C9orf85: variants seen among roughly 807,000 people sequenced by gnomAD.
The protein encoded by C9orf85 is uncharacterized protein C9orf85.
In C9orf85, 16 loss-of-function variants were observed where a neutral mutation model predicts 14.9. The observed-to-expected ratio is 1.08, with a 90% CI of 0.73 to 1.63. The LOEUF (loss-of-function observed/expected upper bound fraction) is 1.63. C9orf85 is among the 40% of genes most tolerant of loss of function. The probability of loss-of-function intolerance (pLI) is 0.00; values close to 1 mark genes in which losing one functional copy is unlikely to be tolerated. For synonymous variants in C9orf85, 45 were observed against 56.8 expected (o/e 0.79, Z 0.93); for missense variants, 172 against 186.1 (o/e 0.92, Z 0.44).
At chr9:71,922,646 C>T (rs1216104509) in intron 1 of C9orf85, among the ~76,000 whole-genome samples, 2 of 152,210 alleles carry the variant, frequency 1.3e-5, no homozygotes, top group African/African-American at 4.8e-5. Context: ...TACTAAACTC[C>T]TAGTTACACC....
intron 1 of C9orf85, among the ~76,000 whole-genome samples, chr9:71,943,211 G>C (rs1235716338): frequency 1.5e-4 from 22 of 151,714 alleles, no homozygotes; most frequent in Non-Finnish European, 7.4e-5. Context: ...CATTGGAATT[G>C]GCATTGGCAT....
At chr9:71,962,782 G>A (rs1368653446) in intron 2 of C9orf85, among the ~76,000 whole-genome samples, 10 of 152,132 alleles carry the variant, frequency 6.6e-5, no homozygotes, top group African/African-American at 2.2e-4. Context: ...CTGGCTGGGC[G>A]CAGTGGCTCA....
In C9orf85 at chr9:71,911,847, G is replaced by C. The variant is rs202079542; in HGVS notation, c.102+11G>C. 3.2e-5 allele frequency: 52 copies of C among 1,610,998 alleles called. No individual in the cohort carries two copies. In the African/African-American group the frequency reaches 6.7e-4, roughly 21 times the overall value. On this transcript the variant is annotated intron_variant, in intron 1 of 3. Coordinates refer to ENST00000334731, the MANE Select transcript of C9orf85 (RefSeq NM_182505.5). ...AGTGTGCAGACCAAGGTAGGAACCT[G>C]CCTGTTGCACCGTCTTTGACTCCAG...
At chr9:71,917,510 C>T (rs926366993) in intron 1 of C9orf85, among the ~76,000 whole-genome samples, 2 of 152,230 alleles carry the variant, frequency 1.3e-5, no homozygotes, top group Non-Finnish European at 2.9e-5. Context: ...TGTTTACACA[C>T]ACCTTTATTC....
In C9orf85 at chr9:71,945,872, C is replaced by A. The variant is rs545480439; in HGVS notation, c.103-1134C>A. Among the ~76,000 whole-genome samples, 87 of 152,034 alleles carry A rather than the reference C, an allele frequency of 5.7e-4. 1 individual carries two copies. The highest frequency in any genetic ancestry group is 1.2e-3 in the Non-Finnish European group (80 of 68,000). On this transcript the variant is annotated intron_variant, in intron 1 of 3. Coordinates refer to ENST00000334731, the MANE Select transcript of C9orf85 (RefSeq NM_182505.5). ...TCATTATTCCAACAATAGGCAAAGA[C>A]CAAGCTTTCACAGCCAAAGCAAACT...
At chr9:71,962,370 C>A (rs1209611657) in intron 2 of C9orf85, among the ~76,000 whole-genome samples, 2 of 152,116 alleles carry the variant, frequency 1.3e-5, no homozygotes, top group Non-Finnish European at 2.9e-5. Context: ...ATGATGTTAT[C>A]CCATAGTAAA....
At chr9:71,917,312 C>T (rs1827674507) in intron 1 of C9orf85, among the ~76,000 whole-genome samples, 3 of 152,254 alleles carry the variant, frequency 2.0e-5, no homozygotes, top group South Asian at 4.1e-4. Context: ...TATCACATGC[C>T]ATACATGTGG....
chr9:71,950,675 T>G (rs542071449), intron 2 of C9orf85, among the ~76,000 whole-genome samples: 2 of 152,340 alleles, frequency 1.3e-5, no homozygotes. Context: ...CAGCCTTGGA[T>G]ATATCTTTTG....
chr9:71,983,753 A>C (rs1158739489), downstream of C9orf85: 1 of 152,182 alleles, frequency 6.6e-6, no homozygotes, highest in African/African-American at 2.4e-5. Context: ...ACTTCTAAGA[A>C]TTTTTGTTTT....
chr9:71,979,028 C>T (rs779389979), intron 3 of C9orf85, among the ~76,000 whole-genome samples: 1 of 149,906 alleles, frequency 6.7e-6, no homozygotes, highest in Non-Finnish European at 1.5e-5. Context: ...AGTGAGACTC[C>T]GTCTCAAGAA....
chr9:71,914,315 A>G (rs1827590026), intron 1 of C9orf85, among the ~76,000 whole-genome samples: 1 of 151,828 alleles, frequency 6.6e-6, no homozygotes, highest in Admixed American at 6.6e-5. Context: ...AAACATTATG[A>G]GATTTTTTTG....
intron 1 of C9orf85, among the ~76,000 whole-genome samples, chr9:71,937,411 GA>G: frequency 6.6e-6 from 1 of 152,302 alleles, no homozygotes; most frequent in South Asian, 2.1e-4. Context: ...CCCACTTATT[GA>G]AAGAATGGTT....
At chr9:71,970,419 TATA>T (rs770188708) in intron 2 of C9orf85, among the ~76,000 whole-genome samples, 5 of 152,210 alleles carry the variant, frequency 3.3e-5, no homozygotes, top group Non-Finnish European at 7.3e-5. Flanking sequence ...TCACGATCCT[TATA>T]ATAATATACT....
At chr9:71,918,777 C>T (rs1827719506) in intron 1 of C9orf85, among the ~76,000 whole-genome samples, 1 of 152,088 alleles carries the variant, frequency 6.6e-6, no homozygotes, top group African/African-American at 2.4e-5. Context: ...ATGGGACCGT[C>T]TAGTTGCAGG....
chr9:71,915,579 T>C (rs1466220040), intron 1 of C9orf85, among the ~76,000 whole-genome samples: 1 of 152,124 alleles, frequency 6.6e-6, no homozygotes, highest in African/African-American at 2.4e-5. Flanking sequence ...AAAAATTAAT[T>C]AGAAAAGAAA....
intron 1 of C9orf85, chr9:71,918,493 C>G: frequency 7.8e-7 from 1 of 1,282,118 alleles, no homozygotes; most frequent in Non-Finnish European, 1.0e-6. Flanking sequence ...CCCCAGCCCC[C>G]GACCCCCGCA....
chr9:71,918,720 G>A (rs1429765832), intron 1 of C9orf85, among the ~76,000 whole-genome samples: 2 of 152,162 alleles, frequency 1.3e-5, no homozygotes, highest in Non-Finnish European at 2.9e-5. Flanking sequence ...TGCTCCTTAT[G>A]AGAATCTAAT....
chr9:71,952,376 AT>A, intron 2 of C9orf85, among the ~76,000 whole-genome samples: 1 of 151,148 alleles, frequency 6.6e-6, no homozygotes, highest in South Asian at 2.1e-4. Context: ...TATTCATTCT[AT>A]TTTTTGAGAC....
chr9:71,936,757 T>A (rs1333672495), intron 1 of C9orf85, among the ~76,000 whole-genome samples: 1 of 146,142 alleles, frequency 6.8e-6, no homozygotes, highest in Admixed American at 7.4e-5. Flanking sequence ...CATACTAGAG[T>A]TCTTTGTTCA....
Sources: allele counts gnomAD v4.1 joint callset (sites outside exome capture counted in the v4.1 genomes callset), GRCh38; gene constraint gnomAD v4.1.1; transcripts MANE v1.5; gene names NCBI Gene and HGNC (gene_info 2026-07-23, HGNC 2026-07-21).